CASK: variants seen among roughly 807,000 people sequenced by gnomAD.
The protein encoded by CASK is peripheral plasma membrane protein CASK.
In CASK, 4 loss-of-function variants were observed where a neutral mutation model predicts 82.9. The ratio of observed to expected loss-of-function variants is 0.05; its 90% CI spans 0.02 to 0.11. The LOEUF (loss-of-function observed/expected upper bound fraction) is 0.11. Among genes scored for constraint, CASK ranks in the 10% least tolerant of loss-of-function variants. The pLI is 1.00. For missense variants in CASK, 358 were observed against 720.9 expected, an observed-to-expected ratio of 0.50 and a Z score of 5.76; for synonymous variants, 259 against 253.5, an observed-to-expected ratio of 1.02 and a Z score of -0.20.
At chrX:41,549,517 T>C (rs2065066927) in intron 21 of CASK, among the ~76,000 whole-genome samples, 1 of 112,130 alleles carries the variant, frequency 8.9e-6, no homozygotes, top group Non-Finnish European at 1.9e-5. Context: ...TCTGTAAACA[T>C]CCCATGAAAC....
intron 1 of CASK, among the ~76,000 whole-genome samples, chrX:41,914,384 A>G (rs1322061187): frequency 8.9e-6 from 1 of 112,569 alleles, no homozygotes; most frequent in East Asian, 2.8e-4. Flanking sequence ...AATAGAATAC[A>G]AGAAGCTGAA....
rs759544056 is a variant in CASK at position 41,788,551 on chromosome X, A to T, written c.173-1268T>A. On this transcript the variant is annotated intron_variant, in intron 2 of 26. Transcript: ENST00000378163. Reference sequence around the variant, plus strand: ...ATCTCCTTTCTGATTTATTAATTCAACTTAGTCTTGTCAACAGAGCAATGA... The same window carrying T: ...ATCTCCTTTCTGATTTATTAATTCATCTTAGTCTTGTCAACAGAGCAATGA... 1.9e-3 allele frequency among the ~76,000 whole-genome samples: 211 copies of T among 112,240 alleles called. 1 individual carries two copies. The highest frequency in any genetic ancestry group is 6.3e-3 in the African/African-American group (195 of 30,925).
intron 5 of CASK, among the ~76,000 whole-genome samples, chrX:41,682,529 GAAAAAA>G (rs869093187): frequency 8.6e-5 from 2 of 23,176 alleles, no homozygotes; most frequent in Non-Finnish European, 1.3e-4. Flanking sequence ...ACTGTCTCAG[GAAAAAA>G]AAAAAAAAAA....
rs748668674 is a variant in CASK, at chrX:41,580,909, T to G, written c.1315-2381A>C. 1.1e-4 allele frequency among the ~76,000 whole-genome samples: 12 copies of G among 112,636 alleles called. No individual in the cohort carries two copies. The East Asian group carries it at 2.2e-3, about 21-fold the overall frequency. Reference sequence around the variant, plus strand: ...CACTTTTTGTACTATAGTAAGGATATGTATAAGACAACTAACAACATCAGA... The same window carrying G: ...CACTTTTTGTACTATAGTAAGGATAGGTATAAGACAACTAACAACATCAGA... On this transcript the variant is annotated intron_variant, in intron 14 of 26. Transcript: ENST00000378163.
At chrX:41,810,238 C>A (rs2070240610) in intron 2 of CASK, among the ~76,000 whole-genome samples, 2 of 111,622 alleles carry the variant, frequency 1.8e-5, no homozygotes, top group South Asian at 3.8e-4. Context: ...AATACAGAGA[C>A]CACCACAAAG....
Position 41,923,111 on chromosome X carries a change from C to T in CASK, c.-123G>A. 3 of 530,953 alleles carry T rather than the reference C, an allele frequency of 5.7e-6. No homozygotes were observed. The highest frequency in any genetic ancestry group is 9.3e-6 in the Non-Finnish European group (3 of 323,662). The allele number at this position is 530,953 out of a possible 1,213,427, so 43.8% of individuals were successfully genotyped here. The stretch of plus-strand genomic sequence containing the variant: ...CTCAGGACCCGCGAGCCCTCGGTGC[C>T]GAGGACGCTCGAGTGGGGCCGCGAG... On this transcript the variant is annotated 5_prime_UTR_variant, in exon 1 of 27. Coordinates refer to ENST00000378163, the MANE Select transcript of CASK (RefSeq NM_001367721.1).
intron 1 of CASK, among the ~76,000 whole-genome samples, chrX:41,891,537 T>C (rs954045678): frequency 2.7e-5 from 3 of 111,887 alleles, no homozygotes; most frequent in Non-Finnish European, 3.8e-5. Flanking sequence ...AAGGATTAGC[T>C]ACTTAATGTA....
chrX:41,774,523 A>G (rs1440883649), intron 3 of CASK, among the ~76,000 whole-genome samples: 241 of 111,142 alleles, frequency 2.2e-3, no homozygotes, highest in African/African-American at 7.5e-3. Flanking sequence ...TCACAGAATT[A>G]GAAAAAACTA....
intron 5 of CASK, among the ~76,000 whole-genome samples, chrX:41,714,912 T>C (rs533931571): frequency 5.4e-5 from 6 of 112,118 alleles, no homozygotes; most frequent in African/African-American, 1.6e-4. Context: ...GGAAATACTC[T>C]CATGCAGGGA....
chrX:41,872,948 C>T (rs187412918), intron 1 of CASK, among the ~76,000 whole-genome samples: 2 of 111,191 alleles, frequency 1.8e-5, no homozygotes, highest in Non-Finnish European at 3.8e-5. Flanking sequence ...CCATGGGCTA[C>T]TCCTTATTTC....
At chrX:41,887,990 TTTCTC>T (rs1434380793) in intron 1 of CASK, among the ~76,000 whole-genome samples, 1 of 112,098 alleles carries the variant, frequency 8.9e-6, no homozygotes, top group Admixed American at 9.5e-5. Flanking sequence ...TCCATTTCAT[TTTCTC>T]TTCTATTCTG....
At position 41,517,492 on chromosome X, in the gene CASK, T is replaced by G. The variant is rs1159195746; in HGVS notation, c.*2928A>C. The G allele has an allele frequency of 1.2e-5, 3 of 258,198 alleles. No homozygotes were observed. The highest frequency in any genetic ancestry group is 2.1e-5 in the Non-Finnish European group (3 of 144,906). The allele number at this position is 258,198 out of a possible 1,213,427, so 21.3% of individuals were successfully genotyped here. A position where few individuals can be genotyped will look rare whatever the true frequency, so the allele number is the denominator to read the frequency against. On this transcript the variant is annotated 3_prime_UTR_variant, in exon 27 of 27. Transcript: ENST00000378163. ...TGCAAAGTAATTACTGTCTTGTGAC[T>G]GGAAAATCAGGACATTTCATCTTTT...
At chrX:41,834,978 T>C (rs776671327) in intron 2 of CASK, among the ~76,000 whole-genome samples, 5 of 111,746 alleles carry the variant, frequency 4.5e-5, no homozygotes, top group Non-Finnish European at 7.5e-5. Context: ...CAGACTGAAT[T>C]TTCCAGCTAC....
Position 41,516,670 on chromosome X carries a change from T to C in CASK, c.*3750A>G, listed in dbSNP as rs1255503050. The C allele has an allele frequency of 1.8e-5, 2 of 110,901 alleles. No homozygotes were observed. The highest frequency in any genetic ancestry group is 3.3e-5 in the African/African-American group (1 of 30,452). The allele number at this position is 110,901 out of a possible 1,213,427, so 9.1% of individuals were successfully genotyped here. A position where few individuals can be genotyped will look rare whatever the true frequency, so the allele number is the denominator to read the frequency against. The stretch of plus-strand genomic sequence containing the variant: ...CAAGAAACACACACGAGTTTGATAA[T>C]AGGAAGCAAGAAGGAGGAGGGATGA... On this transcript the variant is annotated 3_prime_UTR_variant, in exon 27 of 27. Transcript: ENST00000378163.
chrX:41,780,481 T>C (rs2069451902), intron 3 of CASK, among the ~76,000 whole-genome samples: 1 of 111,504 alleles, frequency 9.0e-6, no homozygotes, highest in Admixed American at 9.6e-5. Flanking sequence ...GGGACCTGGG[T>C]ACCTGCTTGT....
chrX:41,732,485 C>T (rs778964838), intron 5 of CASK, among the ~76,000 whole-genome samples: 1 of 110,602 alleles, frequency 9.0e-6, no homozygotes, highest in Non-Finnish European at 1.9e-5. Flanking sequence ...GAAATCCTGC[C>T]GGCAAACCAC....
At chrX:41,563,722 C>A (rs1411482738) in intron 16 of CASK, among the ~76,000 whole-genome samples, 1 of 111,219 alleles carries the variant, frequency 9.0e-6, no homozygotes, top group Non-Finnish European at 1.9e-5. Flanking sequence ...TACCAAAACT[C>A]ACTCAAGAAA....
At chrX:41,910,252 T>C (rs1306937633) in intron 1 of CASK, among the ~76,000 whole-genome samples, 3 of 110,519 alleles carry the variant, frequency 2.7e-5, no homozygotes. Flanking sequence ...TTCAATAAAA[T>C]TGAAATAATA....
chrX:41,529,871 C>T (rs918718955), intron 25 of CASK, among the ~76,000 whole-genome samples: 2 of 111,773 alleles, frequency 1.8e-5, no homozygotes, highest in African/African-American at 3.3e-5. Flanking sequence ...CCACTGGCCA[C>T]GAATTAGGAT....
Sources: gnomAD v4.1 joint callset for allele counts (sites outside exome capture counted in the v4.1 genomes callset) on GRCh38, gnomAD v4.1.1 for gene constraint, MANE v1.5 for transcripts, NCBI Gene and HGNC (gene_info 2026-07-23, HGNC 2026-07-21) for gene names.